The following CHM variants were observed in gnomAD, a reference collection of about 807,000 sequenced individuals.
CHM encodes CHM Rab escort protein, also known as rab proteins geranylgeranyltransferase component A 1.
A neutral mutation model predicts 49.0 loss-of-function variants in CHM; 10 were observed. The ratio of observed to expected loss-of-function variants is 0.20; its 90% CI spans 0.13 to 0.35. The LOEUF (loss-of-function observed/expected upper bound fraction) is 0.35. Among genes scored for constraint, CHM ranks in the 10% least tolerant of loss-of-function variants. The probability of loss-of-function intolerance (pLI) is 1.00; values close to 1 mark genes in which losing one functional copy is unlikely to be tolerated. For synonymous variants in CHM, 184 were observed against 167.5 expected, an observed-to-expected ratio of 1.10 and a Z score of -0.76; for missense variants, 455 against 478.4, an observed-to-expected ratio of 0.95 and a Z score of 0.46.
At chrX:85,871,873 C>T (rs1666659692) in intron 14 of CHM, among the ~76,000 whole-genome samples, 1 of 111,953 alleles carries the variant, frequency 8.9e-6, no homozygotes, top group Admixed American at 9.5e-5. Flanking sequence ...AACTTGTTGG[C>T]AATTTCTACT....
intron 8 of CHM, among the ~76,000 whole-genome samples, chrX:85,928,498 G>A (rs1928224914): frequency 3.6e-5 from 4 of 111,266 alleles, no homozygotes. Context: ...AGCCGAGATC[G>A]CGCCACTGCA....
At chrX:85,970,001 G>T (rs960018217) in intron 4 of CHM, 3 of 112,043 alleles carry the variant, frequency 2.7e-5, no homozygotes, top group African/African-American at 9.8e-5. Context: ...TTAGGTAGGA[G>T]GAATACATTC....
chrX:86,018,451 C>T (rs1933399843), intron 2 of CHM, among the ~76,000 whole-genome samples: 1 of 112,035 alleles, frequency 8.9e-6, no homozygotes, highest in Non-Finnish European at 1.9e-5. Context: ...AGTATAGGAA[C>T]TCTGCAAAAT....
chrX:85,977,221 C>T (rs946637617), intron 4 of CHM, among the ~76,000 whole-genome samples: 1 of 112,134 alleles, frequency 8.9e-6, no homozygotes, highest in African/African-American at 3.2e-5. Context: ...TTCCTGCTTA[C>T]TACTATGACA....
intron 4 of CHM, among the ~76,000 whole-genome samples, chrX:85,965,704 CA>C (rs1249323607): frequency 3.7e-5 from 4 of 107,306 alleles, no homozygotes; most frequent in East Asian, 2.9e-4. Flanking sequence ...ATGAACACTA[CA>C]AAAAAAAATG....
intron 1 of CHM, among the ~76,000 whole-genome samples, chrX:86,035,434 A>C (rs1199927270): frequency 8.9e-6 from 1 of 111,911 alleles, no homozygotes; most frequent in Non-Finnish European, 1.9e-5. Flanking sequence ...AGAAAAACTC[A>C]AAAGTAAGGT....
At chrX:85,947,560 C>A (rs754463298) in intron 8 of CHM, among the ~76,000 whole-genome samples, 15 of 111,602 alleles carry the variant, frequency 1.3e-4, no homozygotes, top group Non-Finnish European at 2.4e-4. Context: ...GTAAATCCTG[C>A]AGAACCATGA....
At chrX:86,038,304 A>C (rs187169119) in intron 1 of CHM, among the ~76,000 whole-genome samples, 2 of 111,719 alleles carry the variant, frequency 1.8e-5, no homozygotes, top group Non-Finnish European at 3.8e-5. Context: ...CCTCCGCCCT[A>C]CTGTTTCACT....
chrX:86,027,502 C>G lies in CHM; in HGVS notation c.105G>C (p.Leu35=), dbSNP rs1464055371. 8.3e-7 allele frequency: 1 copy of G among 1,207,570 alleles called. No individual in the cohort carries two copies. The highest frequency in any genetic ancestry group is 1.7e-5 in the African/African-American group (1 of 57,614). Residue 35 remains leucine, a synonymous_variant, in exon 2 of 15, where the codon CTG becomes CTC. Transcript: ENST00000357749. ...AACSRSGRRV[L]HVDSRSYYGG... ...GTTGATAAACTTACGAATCAACATG[C>G]AGAACTCTCCGGCCACTTCTTGAAC...
At chrX:85,913,285 C>T (rs1927171776) in intron 8 of CHM, among the ~76,000 whole-genome samples, 2 of 75,635 alleles carry the variant, frequency 2.6e-5, no homozygotes, top group Non-Finnish European at 4.9e-5. Context: ...CAGTGCACTC[C>T]AGCCTGGGCA....
Position 86,022,785 on chromosome X carries a change from G to A in CHM, c.116+4706C>T, listed in dbSNP as rs1933660364. On this transcript the variant is annotated intron_variant, in intron 2 of 14. Coordinates refer to ENST00000357749, the MANE Select transcript of CHM (RefSeq NM_000390.4). ...TGAATGGATCTCTTCACCAAGGTAT[G>A]TCACTGGTACCTCAAACTCAACATC... 2.7e-5 allele frequency among the ~76,000 whole-genome samples: 3 copies of A among 111,104 alleles called. No homozygotes were observed. In the Admixed American group the frequency reaches 2.9e-4, roughly 11 times the overall value.
chrX:86,006,609 T>C (rs1932860938), intron 2 of CHM, among the ~76,000 whole-genome samples: 1 of 111,530 alleles, frequency 9.0e-6, no homozygotes, highest in Non-Finnish European at 1.9e-5. Context: ...AGCATTCCTA[T>C]ACACCAATAA....
intron 9 of CHM, chrX:85,903,738 G>A (rs775380204): frequency 7.9e-6 from 3 of 377,383 alleles, no homozygotes; most frequent in Non-Finnish European, 1.6e-5. Context: ...ACTGTCAAGC[G>A]TGCCACTGCT....
chrX:85,977,336 T>A (rs1199200197), intron 4 of CHM, among the ~76,000 whole-genome samples: 1 of 112,117 alleles, frequency 8.9e-6, no homozygotes, highest in Non-Finnish European at 1.9e-5. Flanking sequence ...TATAACAGAG[T>A]TCTATTTCGT....
intron 12 of CHM, among the ~76,000 whole-genome samples, chrX:85,881,789 T>C (rs1233119730): frequency 8.9e-6 from 1 of 111,937 alleles, no homozygotes; most frequent in East Asian, 2.8e-4. Flanking sequence ...CCACCTCTCC[T>C]ACTTCATTCA....
chrX:85,917,801 A>AG (rs1323378432), intron 8 of CHM, among the ~76,000 whole-genome samples: 2 of 96,059 alleles, frequency 2.1e-5, no homozygotes, highest in Non-Finnish European at 4.3e-5. Flanking sequence ...AACCAATCTG[A>AG]GGGAAAAAAA....
intron 5 of CHM, among the ~76,000 whole-genome samples, chrX:85,960,143 T>C (rs1930219521): frequency 9.0e-6 from 1 of 111,386 alleles, no homozygotes; most frequent in Admixed American, 9.6e-5. Flanking sequence ...ATAATAATGA[T>C]AAAAAATAGT....
In CHM at chrX:85,881,691, C is replaced by T. The variant is rs890412264; in HGVS notation, c.1511-2628G>A. On this transcript the variant is annotated intron_variant, in intron 12 of 14. Coordinates refer to ENST00000357749, the MANE Select transcript of CHM (RefSeq NM_000390.4). The stretch of plus-strand genomic sequence containing the variant: ...CACAGTCAGTCACTTAAGTCAGCAG[C>T]ATTCAAACTGGGATGTGTGTGAGGA... Among the ~76,000 whole-genome samples, 3 of 111,771 alleles carry T rather than the reference C, an allele frequency of 2.7e-5. No individual in the cohort carries two copies. The Admixed American group carries it at 2.9e-4, about 11-fold the overall frequency.
chrX:86,032,159 T>A (rs1934068345), intron 1 of CHM, among the ~76,000 whole-genome samples: 1 of 112,278 alleles, frequency 8.9e-6, no homozygotes, highest in Admixed American at 9.4e-5. Flanking sequence ...AGATGAAACA[T>A]GTACGTGCTT....
Sources: allele counts gnomAD v4.1 joint callset (sites outside exome capture counted in the v4.1 genomes callset), GRCh38; gene constraint gnomAD v4.1.1; transcripts MANE v1.5; gene names NCBI Gene and HGNC (gene_info 2026-07-23, HGNC 2026-07-21).